Variants in EBF2 observed in about 807,000 individuals in gnomAD.
The protein encoded by EBF2 is transcription factor COE2.
In EBF2, 21 loss-of-function variants were observed where a neutral mutation model predicts 72.8. The ratio of observed to expected loss-of-function variants is 0.29; its 90% CI spans 0.20 to 0.42. The LOEUF is 0.42. Ranked by LOEUF, EBF2 falls within the 10% of genes least tolerant of loss-of-function variation. The pLI is 1.00. For missense variants in EBF2, 637 were observed against 731.2 expected (o/e 0.87, Z 1.49); for synonymous variants, 299 against 274.2 (o/e 1.09, Z -0.89).
intron 10 of EBF2, among the ~76,000 whole-genome samples, chr8:25,874,928 C>T (rs910325455): frequency 6.1e-5 from 9 of 147,944 alleles, no homozygotes; most frequent in Non-Finnish European, 1.2e-4. Flanking sequence ...TCAAGTGATC[C>T]TCTGGCCTCA....
intron 3 of EBF2, 95 bp from the exon 4 acceptor site, chr8:26,040,766 T>C: frequency 6.7e-7 from 1 of 1,503,524 alleles, no homozygotes; most frequent in Admixed American, 2.1e-5. Context: ...CCAAGCAGCC[T>C]CTCCATGCTG....
chr8:25,886,835 A>T lies in EBF2; in HGVS notation c.929T>A (p.Ile310Asn). 1 of 1,613,482 alleles carries T rather than the reference A, an allele frequency of 6.2e-7. No individual in the cohort carries two copies. The highest frequency in any genetic ancestry group is 8.5e-7 in the Non-Finnish European group (1 of 1,179,700). ...TAATGTCACCTCTACCACGCCTGGG[A>T]TGTGCCGGGGAGGAGTCTGTACTCT... ...AIRVQTPPRH[I>N]PGVVEVTLSY... The change falls in exon 10 of 16, where the codon ATC (isoleucine) becomes AAC (asparagine). Residue 310 changes from isoleucine to asparagine, a missense_variant. Ile to Asn is a moderately radical substitution (Grantham distance 149, BLOSUM62 -3). Coordinates refer to ENST00000520164, the MANE Select transcript of EBF2 (RefSeq NM_022659.4).
At position 25,866,637 on chromosome 8, in the gene EBF2, T is replaced by TA. The variant is rs1563381533; in HGVS notation, c.1010-3841_1010-3840insT. Among the ~76,000 whole-genome samples the TA allele has an allele frequency of 3.0e-4, 22 of 72,486 alleles. 1 individual carries two copies. The highest frequency in any genetic ancestry group is 1.0e-3 in the South Asian group (2 of 2,002). 47.6% of individuals were successfully genotyped at this position (72,486 alleles called of 152,430 possible). A position where few individuals can be genotyped will look rare whatever the true frequency, so the allele number is the denominator to read the frequency against. On this transcript the variant is annotated intron_variant, in intron 10 of 15. Coordinates refer to ENST00000520164, the MANE Select transcript of EBF2 (RefSeq NM_022659.4). ...TATTATATTATATATATATATATAT[T>TA]TTTTTTTTTTTTGAGACAAAGTCTT... is the stretch of plus-strand genomic sequence containing the variant.
chr8:25,951,595 T>G lies in EBF2; in HGVS notation c.552-43040A>C, dbSNP rs561481599. Among the ~76,000 whole-genome samples the G allele has an allele frequency of 2.3e-3, 348 of 152,298 alleles. 1 individual carries two copies. Among genetic ancestry groups the G allele is most frequent in the Non-Finnish European group, 4.3e-3 (294 of 68,026 alleles). On this transcript the variant is annotated intron_variant, in intron 6 of 15. Transcript: ENST00000520164. ...AGACAAAGAGGACTCTCTGAGAACC[T>G]GGAAATTCACTTGGGAAGGGAGAGA...
At chr8:26,014,317 G>A (rs1585228118) in intron 6 of EBF2, among the ~76,000 whole-genome samples, 1 of 152,008 alleles carries the variant, frequency 6.6e-6, no homozygotes, top group Non-Finnish European at 1.5e-5. Context: ...AAAGAGATAC[G>A]CCAATGGATC....
At chr8:25,876,600 G>A (rs1802525539) in intron 10 of EBF2, among the ~76,000 whole-genome samples, 2 of 152,138 alleles carry the variant, frequency 1.3e-5, no homozygotes, top group African/African-American at 4.8e-5. Flanking sequence ...CCTCTCCAGA[G>A]TAACAGCCCA....
At chr8:25,941,228 C>T (rs1319878359) in intron 6 of EBF2, among the ~76,000 whole-genome samples, 2 of 139,780 alleles carry the variant, frequency 1.4e-5, no homozygotes, top group Admixed American at 7.6e-5. Context: ...TTTTTCGAGA[C>T]AGGGTCTTGC....
chr8:25,952,156 C>T (rs1803874192), intron 6 of EBF2, among the ~76,000 whole-genome samples: 1 of 152,034 alleles, frequency 6.6e-6, no homozygotes, highest in Non-Finnish European at 1.5e-5. Context: ...ATTAGCCATG[C>T]ATGGTGGCTT....
chr8:25,938,200 G>A (rs1380246571), intron 6 of EBF2, among the ~76,000 whole-genome samples: 1 of 152,032 alleles, frequency 6.6e-6, no homozygotes, highest in Non-Finnish European at 1.5e-5. Flanking sequence ...AAGGCCAGAT[G>A]GAAACTCACA....
At chr8:25,849,892 A>T (rs997226589) in intron 15 of EBF2, among the ~76,000 whole-genome samples, 1 of 151,890 alleles carries the variant, frequency 6.6e-6, no homozygotes, top group Admixed American at 6.7e-5. Flanking sequence ...GCTCCTGTCC[A>T]TGTATGCCAA....
rs77765464 is a variant in EBF2 at position 25,974,820 on chromosome 8, G to A, written c.551+58265C>T. 6.8e-3 allele frequency among the ~76,000 whole-genome samples: 1,023 copies of A among 151,438 alleles called. 8 individuals carry two copies. The highest frequency in any genetic ancestry group is 9.1e-3 in the Non-Finnish European group (617 of 67,928). Reference sequence around the variant, plus strand: ...ATTTTTCTGACATCCTGTGCATTTTGAGATCCGGGGAGACTTCCCATTTTC... The same window carrying A: ...ATTTTTCTGACATCCTGTGCATTTTAAGATCCGGGGAGACTTCCCATTTTC... On this transcript the variant is annotated intron_variant, in intron 6 of 15. Coordinates refer to ENST00000520164, the MANE Select transcript of EBF2 (RefSeq NM_022659.4).
intron 6 of EBF2, among the ~76,000 whole-genome samples, chr8:26,019,138 G>A (rs998547828): frequency 6.6e-5 from 10 of 152,136 alleles, no homozygotes; most frequent in African/African-American, 2.4e-4. Flanking sequence ...ATTATCCAAT[G>A]TGCAACAAGT....
chr8:25,939,173 T>C (rs1386311870), intron 6 of EBF2, among the ~76,000 whole-genome samples: 1 of 152,234 alleles, frequency 6.6e-6, no homozygotes, highest in Non-Finnish European at 1.5e-5. Context: ...TGCAAACTTT[T>C]CCATTCTGTG....
At chr8:25,925,449 G>A (rs1309763697) in intron 6 of EBF2, among the ~76,000 whole-genome samples, 2 of 152,000 alleles carry the variant, frequency 1.3e-5, no homozygotes, top group African/African-American at 4.8e-5. Flanking sequence ...TGTGAACAGA[G>A]CACCTGAAAC....
At chr8:25,987,453 G>T (rs1804479160) in intron 6 of EBF2, among the ~76,000 whole-genome samples, 1 of 152,010 alleles carries the variant, frequency 6.6e-6, no homozygotes, top group South Asian at 2.1e-4. Flanking sequence ...ATCACTCTAT[G>T]GCTGGCTCTC....
intron 1 of EBF2, among the ~76,000 whole-genome samples, chr8:26,042,890 C>G (rs113072159): frequency 8.1e-4 from 124 of 152,308 alleles, no homozygotes; most frequent in African/African-American, 2.7e-3. Flanking sequence ...AAAAGTTGTG[C>G]CTGGGACAGA....
At chr8:25,847,053 T>C (rs1192073313) in intron 15 of EBF2, among the ~76,000 whole-genome samples, 1 of 152,186 alleles carries the variant, frequency 6.6e-6, no homozygotes, top group Non-Finnish European at 1.5e-5. Flanking sequence ...TCTGCATGTC[T>C]GGGTTCAAGT....
At chr8:25,981,664 C>G (rs1234744743) in intron 6 of EBF2, among the ~76,000 whole-genome samples, 2 of 151,952 alleles carry the variant, frequency 1.3e-5, no homozygotes, top group African/African-American at 4.8e-5. Context: ...GGAGTGGTAG[C>G]AGGCACCTGT....
chr8:26,030,555 C>T (rs756733405), intron 6 of EBF2, among the ~76,000 whole-genome samples: 1 of 151,638 alleles, frequency 6.6e-6, no homozygotes, highest in South Asian at 2.1e-4. Context: ...TGCACATGTA[C>T]CCTAAAATTT....
Sources: gnomAD v4.1 joint callset for allele counts (sites outside exome capture counted in the v4.1 genomes callset) on GRCh38, gnomAD v4.1.1 for gene constraint, MANE v1.5 for transcripts, NCBI Gene and HGNC (gene_info 2026-07-23, HGNC 2026-07-21) for gene names.